Variants in EPM2A observed in about 807,000 individuals in gnomAD.
The protein encoded by EPM2A is EPM2A glucan phosphatase, laforin.
A neutral mutation model predicts 26.5 loss-of-function variants in EPM2A; 21 were observed. The ratio of observed to expected loss-of-function variants is 0.79; its 90% CI spans 0.56 to 1.14. The LOEUF is 1.14. Among genes scored for constraint, EPM2A ranks in the 50% most tolerant of loss-of-function variants. The probability of loss-of-function intolerance (pLI) is 0.00; values close to 1 mark genes in which losing one functional copy is unlikely to be tolerated. For missense variants in EPM2A, 458 were observed against 440.8 expected (o/e 1.04, Z -0.35); for synonymous variants, 217 against 177.6 (o/e 1.22, Z -1.76).
intron 1 of EPM2A, 69 bp downstream of exon 1, chr6:145,735,129 G>GAGGCCC: frequency 8.0e-7 from 1 of 1,244,424 alleles, no homozygotes; most frequent in Non-Finnish European, 1.1e-6. Context: ...GCCCGAGGCC[G>GAGGCCC]AGGCCCCGGT....
intron 2 of EPM2A, among the ~76,000 whole-genome samples, chr6:145,611,357 T>C (rs558389872): frequency 6.6e-6 from 1 of 152,104 alleles, no homozygotes; most frequent in East Asian, 1.9e-4. Flanking sequence ...GACTTCTGCT[T>C]GCCAGTAATT....
At chr6:145,729,326 T>C (rs1358953527) in intron 1 of EPM2A, among the ~76,000 whole-genome samples, 1 of 152,144 alleles carries the variant, frequency 6.6e-6, no homozygotes, top group Non-Finnish European at 1.5e-5. Flanking sequence ...CAATGGTAGA[T>C]TCATCAACAG....
chr6:145,491,160 C>G, intron 4 of EPM2A: 1 of 532,430 alleles, frequency 1.9e-6, no homozygotes, highest in Non-Finnish European at 3.6e-6. Context: ...TTTCTTTGTT[C>G]CTGACTTCAA....
At chr6:145,679,656 G>A (rs1780350643) in intron 2 of EPM2A, among the ~76,000 whole-genome samples, 1 of 151,962 alleles carries the variant, frequency 6.6e-6, no homozygotes, top group Non-Finnish European at 1.5e-5. Context: ...GGATAAAATG[G>A]ACCCATACCA....
At chr6:145,514,796 A>G (rs1780102612) in intron 2 of EPM2A, among the ~76,000 whole-genome samples, 2 of 152,196 alleles carry the variant, frequency 1.3e-5, no homozygotes, top group Admixed American at 1.3e-4. Flanking sequence ...ATTTGCTCCA[A>G]AATTATCAAT....
intron 2 of EPM2A, among the ~76,000 whole-genome samples, chr6:145,595,642 G>A (rs2128548846): frequency 6.6e-6 from 1 of 151,806 alleles, no homozygotes; most frequent in South Asian, 2.1e-4. Context: ...TATATGGGAG[G>A]GTTTAGCCAA....
At chr6:145,415,168 C>T (rs1467710635) in intron 4 of EPM2A, among the ~76,000 whole-genome samples, 1 of 152,178 alleles carries the variant, frequency 6.6e-6, no homozygotes, top group Admixed American at 6.6e-5. Flanking sequence ...TTAGGGTTTG[C>T]CTTCAGAGAA....
chr6:145,386,827 C>G (rs191650804), intron 4 of EPM2A, among the ~76,000 whole-genome samples: 227 of 152,272 alleles, frequency 1.5e-3, no homozygotes, highest in African/African-American at 4.9e-3. Flanking sequence ...ATTTTGTCAT[C>G]TCTCATAATC....
chr6:145,608,515 G>A lies in EPM2A; in HGVS notation c.340+26730C>T, dbSNP rs185906155. Among the ~76,000 whole-genome samples, 801 of 151,880 alleles carry A rather than the reference G, an allele frequency of 5.3e-3. 4 individuals are homozygous for A. The highest frequency in any genetic ancestry group is 0.018 in the African/African-American group (763 of 41,388). On this transcript the variant is annotated intron_variant, in intron 2 of 3. Transcript: ENST00000450221. Reference sequence around the variant, plus strand: ...CTTTCATTTGTTTCACCCATACCACGTCATAAACAGTTCAAGATCCCGGTA... The same window carrying A: ...CTTTCATTTGTTTCACCCATACCACATCATAAACAGTTCAAGATCCCGGTA...
At chr6:145,545,786 T>C (rs1780575033) in intron 2 of EPM2A, among the ~76,000 whole-genome samples, 1 of 152,122 alleles carries the variant, frequency 6.6e-6, no homozygotes, top group South Asian at 2.1e-4. Context: ...CCAGCCATAC[T>C]AACTTCAGTT....
At chr6:145,615,173 T>C (rs1055914440) in intron 2 of EPM2A, among the ~76,000 whole-genome samples, 1 of 152,198 alleles carries the variant, frequency 6.6e-6, no homozygotes, top group Non-Finnish European at 1.5e-5. Flanking sequence ...AATTCCCACA[T>C]GTTGTGGGAG....
intron 2 of EPM2A, among the ~76,000 whole-genome samples, chr6:145,515,149 G>A (rs539189139): frequency 6.6e-6 from 1 of 152,266 alleles, no homozygotes; most frequent in African/African-American, 2.4e-5. Context: ...GGGTATTGTT[G>A]GTAGAAGGGC....
At chr6:145,625,109 C>T (rs1017860365), downstream of EPM2A, among the ~76,000 whole-genome samples, 2 of 152,174 alleles carry the variant, frequency 1.3e-5, no homozygotes, top group African/African-American at 2.4e-5. Flanking sequence ...ATCCTCACTT[C>T]TCTGTGGTCC....
downstream of EPM2A, among the ~76,000 whole-genome samples, chr6:145,496,728 A>ATGTTTTTTGTTTTT (rs779194973): frequency 2.8e-5 from 3 of 106,908 alleles, no homozygotes; most frequent in Non-Finnish European, 5.9e-5. Context: ...AGTTCCTGCA[A>ATGTTTTTTGTTTTT]TTTTTTTTTT....
Position 145,626,951 on chromosome 6 carries a change from G to C in EPM2A, c.*465C>G. The C allele has an allele frequency of 9.7e-7, 1 of 1,031,416 alleles. No homozygotes were observed. The highest frequency in any genetic ancestry group is 1.2e-6 in the Non-Finnish European group (1 of 857,164). 63.9% of individuals were successfully genotyped at this position (1,031,416 alleles called of 1,614,324 possible). ...GAGCTCTTCTTTTGTAACGGTTCAGGCTTCTAACCTTATTTCCTCCTTTGG... is the reference window on the plus strand; with the variant it reads ...GAGCTCTTCTTTTGTAACGGTTCAGCCTTCTAACCTTATTTCCTCCTTTGG... On this transcript the variant is annotated 3_prime_UTR_variant, in exon 4 of 4. Transcript: ENST00000367519.
Position 145,519,310 on chromosome 6 carries a change from C to A in EPM2A, c.341-16735G>T, listed in dbSNP as rs543257891. Among the ~76,000 whole-genome samples, 24 of 152,126 alleles carry A rather than the reference C, an allele frequency of 1.6e-4. 1 individual carries two copies. In the East Asian group the frequency reaches 4.5e-3, roughly 28 times the overall value. ...TTTGATGCACCATGGATATTTAACT[C>A]CAGAAAGTGAATGGTAGAGAAAAGG... is the stretch of plus-strand genomic sequence containing the variant. On this transcript the variant is annotated intron_variant, in intron 2 of 3. Coordinates refer to the EPM2A transcript ENST00000450221.
chr6:145,490,664 AGT>A, intron 4 of EPM2A: 1 of 621,414 alleles, frequency 1.6e-6, no homozygotes, highest in Non-Finnish European at 3.1e-6. Context: ...CTCTCAGTAG[AGT>A]GTGATTTCAT....
intron 4 of EPM2A, chr6:145,463,199 CT>C (rs1779347676): frequency 1.2e-5 from 1 of 86,544 alleles, no homozygotes; most frequent in Non-Finnish European, 2.3e-5. Context: ...GTTTTATCTT[CT>C]TTTCTTTTTT....
chr6:145,520,129 T>C (rs1780183848), intron 2 of EPM2A, among the ~76,000 whole-genome samples: 1 of 152,248 alleles, frequency 6.6e-6, no homozygotes, highest in Non-Finnish European at 1.5e-5. Flanking sequence ...AATATAATCA[T>C]GGCTCATCCA....
Sources: gnomAD v4.1 joint callset for allele counts (sites outside exome capture counted in the v4.1 genomes callset) on GRCh38, gnomAD v4.1.1 for gene constraint, MANE v1.5 for transcripts, NCBI Gene and HGNC (gene_info 2026-07-23, HGNC 2026-07-21) for gene names.